CSMD1: variants seen among roughly 807,000 people sequenced by gnomAD.
CSMD1 encodes the protein CUB and sushi domain-containing protein 1.
In CSMD1, 213 loss-of-function variants were observed where a neutral mutation model predicts 417.5. The ratio of observed to expected loss-of-function variants is 0.51; its 90% CI spans 0.46 to 0.57. The LOEUF (loss-of-function observed/expected upper bound fraction) is 0.57, where lower values mean the gene tolerates loss of function less well. Among genes scored for constraint, CSMD1 ranks in the 20% least tolerant of loss-of-function variants. The pLI is 0.00. For missense variants in CSMD1, 6,923 were observed against 4,529.7 expected (o/e 1.53, Z -15.17); for synonymous variants, 2,862 against 1,736.8 (o/e 1.65, Z -16.11).
chr8:4,428,700 T>A (rs117168199), intron 2 of CSMD1, among the ~76,000 whole-genome samples: 2 of 152,244 alleles, frequency 1.3e-5, no homozygotes, highest in South Asian at 2.1e-4. Context: ...GGGTTCATTT[T>A]AAATTTGGTT....
chr8:4,221,579 G>A (rs1801033155), intron 3 of CSMD1, among the ~76,000 whole-genome samples: 1 of 152,078 alleles, frequency 6.6e-6, no homozygotes, highest in South Asian at 2.1e-4. Context: ...GTCAAAACAT[G>A]TGAAAACAGT....
intron 5 of CSMD1, among the ~76,000 whole-genome samples, chr8:3,970,473 A>G (rs1022355850): frequency 1.3e-5 from 2 of 152,194 alleles, no homozygotes; most frequent in Non-Finnish European, 2.9e-5. Context: ...TCTGTAAACC[A>G]GAAGAAATTA....
chr8:4,140,217 A>G (rs77732937), intron 3 of CSMD1, among the ~76,000 whole-genome samples: 44,701 of 149,878 alleles, frequency 0.3, 8,368 homozygotes, highest in Non-Finnish European at 0.39. Flanking sequence ...ACAAAAATTC[A>G]TCTGGATATG....
At chr8:4,693,745 T>C (rs1157421043) in intron 1 of CSMD1, among the ~76,000 whole-genome samples, 3 of 26,168 alleles carry the variant, frequency 1.1e-4, no homozygotes, top group East Asian at 1.2e-3. Context: ...GATGTGATCA[T>C]AGCTCACTAC....
At chr8:4,119,592 A>G (rs573982315) in intron 3 of CSMD1, among the ~76,000 whole-genome samples, 3 of 3,198 alleles carry the variant, frequency 9.4e-4, no homozygotes, top group South Asian at 0.17. Flanking sequence ...GTGTTCTTCT[A>G]TCTAGGGAGG....
chr8:4,141,371 C>A (rs75631755), intron 3 of CSMD1, among the ~76,000 whole-genome samples: 1 of 151,104 alleles, frequency 6.6e-6, no homozygotes, highest in African/African-American at 2.5e-5. Flanking sequence ...TTGTATGCTC[C>A]AAGAATACCA....
chr8:4,844,811 C>T (rs936522726), intron 1 of CSMD1, among the ~76,000 whole-genome samples: 11 of 152,074 alleles, frequency 7.2e-5, no homozygotes, highest in African/African-American at 1.2e-4. Context: ...TTCTCATTCA[C>T]GGGACAATCC....
intron 46 of CSMD1, among the ~76,000 whole-genome samples, chr8:3,100,388 G>A (rs1815647482): frequency 6.6e-6 from 1 of 152,278 alleles, no homozygotes; most frequent in Non-Finnish European, 1.5e-5. Flanking sequence ...TGTTTCTTCT[G>A]CTCTTTCATA....
intron 3 of CSMD1, among the ~76,000 whole-genome samples, chr8:4,043,678 T>C (rs573825325): frequency 1.9e-4 from 29 of 152,306 alleles, no homozygotes; most frequent in Admixed American, 1.7e-3. Context: ...AACCATACAT[T>C]TATTTCAGTG....
chr8:3,916,343 T>C (rs1042110638), intron 5 of CSMD1, among the ~76,000 whole-genome samples: 7 of 152,266 alleles, frequency 4.6e-5, no homozygotes, highest in East Asian at 1.9e-4. Context: ...AGCATGAATA[T>C]TGTCAGCGAA....
At chr8:3,938,599 C>G (rs2627530) in intron 5 of CSMD1, among the ~76,000 whole-genome samples, 123,704 of 152,136 alleles carry the variant, frequency 0.81, 50,486 homozygotes, top group African/African-American at 0.88. Context: ...GGAAATCATG[C>G]TGTAGACCCC....
At chr8:4,751,531 A>G (rs932771655) in intron 1 of CSMD1, among the ~76,000 whole-genome samples, 13 of 152,172 alleles carry the variant, frequency 8.5e-5, no homozygotes, top group Admixed American at 8.5e-4. Flanking sequence ...AAGTTATTTT[A>G]TCCCTTTAAT....
intron 8 of CSMD1, among the ~76,000 whole-genome samples, chr8:3,599,723 C>G (rs73491423): frequency 0.03 from 4,594 of 152,246 alleles, 212 homozygotes; most frequent in African/African-American, 0.1. Context: ...CAGATTGGCG[C>G]CAACCTATAC....
At chr8:3,353,582 G>A (rs1410973581) in intron 21 of CSMD1, among the ~76,000 whole-genome samples, 1 of 152,164 alleles carries the variant, frequency 6.6e-6, no homozygotes, top group Non-Finnish European at 1.5e-5. Context: ...AATTTAATAA[G>A]ACACTGACAT....
intron 3 of CSMD1, among the ~76,000 whole-genome samples, chr8:4,145,458 G>C (rs192418798): frequency 5.3e-5 from 8 of 151,184 alleles, no homozygotes; most frequent in Non-Finnish European, 8.8e-5. Flanking sequence ...TATATTTTTT[G>C]TATTGAAATA....
At chr8:3,097,377 A>C (rs1563336179) in intron 46 of CSMD1, among the ~76,000 whole-genome samples, 1 of 152,178 alleles carries the variant, frequency 6.6e-6, no homozygotes, top group Admixed American at 6.5e-5. Flanking sequence ...ACCATTTCAA[A>C]AGAGTATTAC....
chr8:4,729,604 G>T (rs1358778025), intron 1 of CSMD1, among the ~76,000 whole-genome samples: 1 of 152,120 alleles, frequency 6.6e-6, no homozygotes, highest in Non-Finnish European at 1.5e-5. Context: ...AACAAAAGAC[G>T]TTAATCTGTG....
At chr8:4,818,560 C>T (rs997786428) in intron 1 of CSMD1, among the ~76,000 whole-genome samples, 5 of 152,168 alleles carry the variant, frequency 3.3e-5, no homozygotes, top group Non-Finnish European at 7.3e-5. Context: ...GACACACACA[C>T]ATGTGCACAT....
intron 1 of CSMD1, among the ~76,000 whole-genome samples, chr8:4,684,978 T>G (rs1345576073): frequency 1.3e-5 from 2 of 151,968 alleles, no homozygotes; most frequent in Admixed American, 1.3e-4. Context: ...TTAATGATAG[T>G]AAGAAAAAAA....
Sources: gnomAD v4.1 joint callset for allele counts (sites outside exome capture counted in the v4.1 genomes callset) on GRCh38, gnomAD v4.1.1 for gene constraint, MANE v1.5 for transcripts, NCBI Gene and HGNC (gene_info 2026-07-23, HGNC 2026-07-21) for gene names.